DCAF6: variants seen among roughly 807,000 people sequenced by gnomAD.
DCAF6 encodes the protein DDB1 and CUL4 associated factor 6.
DCAF6 carries 54 observed loss-of-function variants against 125.1 expected under a neutral mutation model. That is an observed-to-expected ratio of 0.43 (90% CI 0.35 to 0.54). The LOEUF (loss-of-function observed/expected upper bound fraction) is 0.54. Ranked by LOEUF, DCAF6 falls within the 20% of genes least tolerant of loss-of-function variation. The pLI is 0.01. For missense variants in DCAF6, 934 were observed against 1,161.7 expected, an observed-to-expected ratio of 0.80 and a Z score of 2.85; for synonymous variants, 371 against 390.4, an observed-to-expected ratio of 0.95 and a Z score of 0.58.
intron 10 of DCAF6, among the ~76,000 whole-genome samples, chr1:168,007,569 G>A (rs747337217): frequency 2.3e-4 from 35 of 151,746 alleles, no homozygotes; most frequent in Non-Finnish European, 4.0e-4. Context: ...TTCTCTGTTA[G>A]TACCTTACTA....
intron 4 of DCAF6, among the ~76,000 whole-genome samples, chr1:167,981,288 A>G (rs1049129883): frequency 6.6e-6 from 1 of 152,084 alleles, no homozygotes; most frequent in Admixed American, 6.6e-5. Context: ...ATTTTTGCAT[A>G]TGTAGGGTAA....
intron 10 of DCAF6, among the ~76,000 whole-genome samples, chr1:168,009,021 CAG>C (rs1187866857): frequency 2.0e-5 from 3 of 147,524 alleles, no homozygotes; most frequent in South Asian, 2.2e-4. Flanking sequence ...TCTTTTTAGA[CAG>C]AGTCTTGCAC....
At chr1:168,005,596 A>G (rs1683233404) in intron 10 of DCAF6, among the ~76,000 whole-genome samples, 1 of 152,174 alleles carries the variant, frequency 6.6e-6, no homozygotes, top group African/African-American at 2.4e-5. Flanking sequence ...CTCAATATAG[A>G]GCCAGAATTA....
chr1:167,949,586 A>G (rs977858104), intron 1 of DCAF6, among the ~76,000 whole-genome samples: 11 of 152,198 alleles, frequency 7.2e-5, no homozygotes, highest in African/African-American at 1.2e-4. Context: ...AAGTTTCCCT[A>G]TGAGACTTGG....
At chr1:167,921,716 A>C in the DCAF6 span, among the ~76,000 whole-genome samples, 2 of 152,066 alleles carry the variant, frequency 1.3e-5, no homozygotes, top group African/African-American at 4.8e-5. Context: ...TGATTTAATA[A>C]ATTGTTTTTT....
At chr1:167,964,768 C>T (rs1319662179) in intron 2 of DCAF6, among the ~76,000 whole-genome samples, 1 of 152,032 alleles carries the variant, frequency 6.6e-6, no homozygotes, top group African/African-American at 2.4e-5. Flanking sequence ...CAGTTTTGTA[C>T]GTTTTTATTG....
intron 12 of DCAF6, among the ~76,000 whole-genome samples, chr1:168,033,193 C>T (rs575041211): frequency 1.3e-5 from 2 of 151,870 alleles, no homozygotes; most frequent in South Asian, 2.1e-4. Context: ...TAATTAAATA[C>T]ATAACAGTTC....
the DCAF6 span, among the ~76,000 whole-genome samples, chr1:167,907,987 T>C: frequency 8.5e-5 from 13 of 152,268 alleles, no homozygotes; most frequent in Admixed American, 2.0e-4. Context: ...GTACGGCCAT[T>C]ATGGAAAATA....
chr1:168,048,370 T>C (rs1446907261), intron 16 of DCAF6, among the ~76,000 whole-genome samples: 2 of 152,230 alleles, frequency 1.3e-5, no homozygotes, highest in Non-Finnish European at 2.9e-5. Flanking sequence ...TGAAGAACTA[T>C]ATAGTGGACC....
the DCAF6 span, among the ~76,000 whole-genome samples, chr1:167,896,357 T>C: frequency 6.6e-6 from 1 of 152,162 alleles, no homozygotes; most frequent in Non-Finnish European, 1.5e-5. Context: ...GGGATACTTA[T>C]TAATGTTTGA....
At chr1:167,949,504 G>A (rs942053941) in intron 1 of DCAF6, among the ~76,000 whole-genome samples, 2 of 152,104 alleles carry the variant, frequency 1.3e-5, no homozygotes, top group Non-Finnish European at 2.9e-5. Context: ...AAAGATTTAG[G>A]TTCCCCAAGT....
chr1:168,026,034 T>A (rs925582371), intron 12 of DCAF6, among the ~76,000 whole-genome samples: 1 of 152,164 alleles, frequency 6.6e-6, no homozygotes, highest in African/African-American at 2.4e-5. Flanking sequence ...CCAAAACTAC[T>A]TTTTTGTTGA....
At chr1:167,900,885 A>T in the DCAF6 span, among the ~76,000 whole-genome samples, 2 of 152,234 alleles carry the variant, frequency 1.3e-5, no homozygotes, top group South Asian at 4.1e-4. Context: ...AAGAAGGCTG[A>T]GAAACAGTTA....
At chr1:167,886,670 T>A in the DCAF6 span, among the ~76,000 whole-genome samples, 2 of 152,036 alleles carry the variant, frequency 1.3e-5, no homozygotes, top group Non-Finnish European at 1.5e-5. Context: ...CCAAAAGCAA[T>A]GGCAACAAAA....
intron 2 of DCAF6, among the ~76,000 whole-genome samples, chr1:167,954,522 G>T (rs982160630): frequency 2.0e-5 from 3 of 151,198 alleles, no homozygotes; most frequent in Non-Finnish European, 2.9e-5. Context: ...GCACAATCTC[G>T]GCTCACTGCA....
chr1:168,006,493 C>A (rs1683357280), intron 10 of DCAF6, among the ~76,000 whole-genome samples: 1 of 152,176 alleles, frequency 6.6e-6, no homozygotes, highest in African/African-American at 2.4e-5. Context: ...GATGTAACAT[C>A]TGAAGGTTAT....
At chr1:168,023,471 A>G (rs550404650) in intron 12 of DCAF6, 29 of 171,112 alleles carry the variant, frequency 1.7e-4, no homozygotes, top group South Asian at 1.7e-3. Flanking sequence ...ACTTGGTTTT[A>G]TGTCTCACTT....
intron 1 of DCAF6, among the ~76,000 whole-genome samples, chr1:167,944,094 G>A (rs1051916197): frequency 2.0e-5 from 3 of 152,064 alleles, no homozygotes; most frequent in African/African-American, 7.2e-5. Context: ...TGCCCGCCTC[G>A]GCCTCCCAAA....
At chr1:167,968,825 G>C (rs1237246505) in intron 3 of DCAF6, among the ~76,000 whole-genome samples, 2 of 152,206 alleles carry the variant, frequency 1.3e-5, no homozygotes, top group African/African-American at 4.8e-5. Context: ...ATATTTGAAG[G>C]ACTCAGTTCC....
Sources: gnomAD v4.1 joint callset for allele counts (sites outside exome capture counted in the v4.1 genomes callset) on GRCh38, gnomAD v4.1.1 for gene constraint, MANE v1.5 for transcripts, NCBI Gene and HGNC (gene_info 2026-07-23, HGNC 2026-07-21) for gene names.